ZBTB20: variants seen among roughly 807,000 people sequenced by gnomAD.
The protein encoded by ZBTB20 is zinc finger and BTB domain containing 20.
A neutral mutation model predicts 56.9 loss-of-function variants in ZBTB20; 9 were observed. That is an observed-to-expected ratio of 0.16 (90% CI 0.10 to 0.28). The LOEUF (loss-of-function observed/expected upper bound fraction) is 0.28. Among genes scored for constraint, ZBTB20 ranks in the 10% least tolerant of loss-of-function variants. The probability of loss-of-function intolerance (pLI) is 1.00; values close to 1 mark genes in which losing one functional copy is unlikely to be tolerated. For missense variants in ZBTB20, 655 were observed against 1,003.0 expected (o/e 0.65, Z 4.69); for synonymous variants, 417 against 420.7 (o/e 0.99, Z 0.11).
chr3:115,000,303 T>C (rs898755996), intron 2 of ZBTB20, among the ~76,000 whole-genome samples: 6 of 151,710 alleles, frequency 4.0e-5, no homozygotes, highest in African/African-American at 1.4e-4. Context: ...AAATATTGAC[T>C]AATTCATTTT....
chr3:114,477,407 G>T (rs2040911346), intron 7 of ZBTB20, among the ~76,000 whole-genome samples: 2 of 151,628 alleles, frequency 1.3e-5, no homozygotes, highest in Non-Finnish European at 2.9e-5. Flanking sequence ...TGCCCAAAAG[G>T]ACACAGGGTC....
At chr3:114,763,235 A>C (rs2108706285) in intron 5 of ZBTB20, among the ~76,000 whole-genome samples, 1 of 152,304 alleles carries the variant, frequency 6.6e-6, no homozygotes, top group African/African-American at 2.4e-5. Flanking sequence ...GAGTACTTTA[A>C]GGCATTGCTT....
intron 3 of ZBTB20, among the ~76,000 whole-genome samples, chr3:114,972,646 T>G (rs1207671931): frequency 1.3e-5 from 2 of 152,142 alleles, no homozygotes; most frequent in Non-Finnish European, 2.9e-5. Flanking sequence ...TAATGTAATC[T>G]CAGGAAAAAA....
Position 114,314,805 on chromosome 3 carries a change from T to C in ZBTB20, c.*24200A>G, listed in dbSNP as rs1405798274. 6.6e-6 allele frequency: 1 copy of C among 152,012 alleles called. No homozygotes were observed. Among genetic ancestry groups the C allele is most frequent in the Non-Finnish European group, 1.5e-5 (1 of 67,986 alleles). The allele number at this position is 152,012 out of a possible 1,614,324, so 9.4% of individuals were successfully genotyped here. A position where few individuals can be genotyped will look rare whatever the true frequency, so the allele number is the denominator to read the frequency against. On this transcript the variant is annotated 3_prime_UTR_variant, in exon 12 of 12. Transcript: ENST00000675478. ...CACAATAATAATAATAATATAATAG[T>C]ATAATGAAGCGCTACAGTTAATTTT...
chr3:114,716,929 G>A (rs1044265994), intron 5 of ZBTB20, among the ~76,000 whole-genome samples: 2 of 151,996 alleles, frequency 1.3e-5, no homozygotes, highest in African/African-American at 2.4e-5. Flanking sequence ...AAAAAAGTGG[G>A]GGGTATTCAT....
chr3:115,069,521 T>C (rs1001758743), intron 2 of ZBTB20, among the ~76,000 whole-genome samples: 5 of 152,054 alleles, frequency 3.3e-5, no homozygotes, highest in African/African-American at 1.2e-4. Flanking sequence ...ATGTCACACA[T>C]GTGATCTCAG....
At chr3:114,737,231 T>G (rs1186113643) in intron 5 of ZBTB20, among the ~76,000 whole-genome samples, 1 of 152,224 alleles carries the variant, frequency 6.6e-6, no homozygotes, top group Non-Finnish European at 1.5e-5. Flanking sequence ...TTGTTTGAAA[T>G]ATATTTAATG....
chr3:114,533,580 G>A (rs897094625), intron 6 of ZBTB20, among the ~76,000 whole-genome samples: 2 of 152,178 alleles, frequency 1.3e-5, no homozygotes, highest in Non-Finnish European at 2.9e-5. Flanking sequence ...TATTATCCAG[G>A]AGAGCTTCCC....
chr3:114,491,918 G>A (rs2042800516), intron 7 of ZBTB20, among the ~76,000 whole-genome samples: 1 of 152,044 alleles, frequency 6.6e-6, no homozygotes, highest in African/African-American at 2.4e-5. Flanking sequence ...CTTTTGCTGA[G>A]GTCAACAATA....
chr3:114,663,585 C>A (rs1369794260), intron 6 of ZBTB20, among the ~76,000 whole-genome samples: 1 of 151,560 alleles, frequency 6.6e-6, no homozygotes, highest in Non-Finnish European at 1.5e-5. Flanking sequence ...TTAAAAGACA[C>A]AGACTGGCAA....
At chr3:114,746,903 T>C (rs1195557288) in intron 5 of ZBTB20, among the ~76,000 whole-genome samples, 3 of 152,222 alleles carry the variant, frequency 2.0e-5, no homozygotes, top group Non-Finnish European at 4.4e-5. Flanking sequence ...CACCATCTCA[T>C]GCAAACGTTA....
intron 6 of ZBTB20, among the ~76,000 whole-genome samples, chr3:114,565,565 C>A (rs1395307370): frequency 6.6e-6 from 1 of 152,166 alleles, no homozygotes; most frequent in Non-Finnish European, 1.5e-5. Context: ...GTAGCTGGAA[C>A]AGGCATACGT....
intron 7 of ZBTB20, among the ~76,000 whole-genome samples, chr3:114,471,944 G>A (rs1306691608): frequency 6.6e-6 from 1 of 152,154 alleles, no homozygotes; most frequent in African/African-American, 2.4e-5. Flanking sequence ...ATGGGGAAAG[G>A]AAATGGATAA....
chr3:114,533,412 G>T (rs1559921969), intron 6 of ZBTB20, among the ~76,000 whole-genome samples: 1 of 151,922 alleles, frequency 6.6e-6, no homozygotes, highest in East Asian at 1.9e-4. Context: ...TCAACTTAAT[G>T]AAATAAAGCA....
intron 3 of ZBTB20, among the ~76,000 whole-genome samples, chr3:114,961,833 T>C (rs2077464392): frequency 6.6e-6 from 1 of 152,150 alleles, no homozygotes; most frequent in Non-Finnish European, 1.5e-5. Context: ...TAATTCTGTA[T>C]AAATATGTCT....
chr3:114,425,949 T>C (rs142140104), intron 7 of ZBTB20, among the ~76,000 whole-genome samples: 209 of 152,342 alleles, frequency 1.4e-3, no homozygotes, highest in African/African-American at 4.8e-3. Flanking sequence ...TTATCAAATT[T>C]AGAAATTTTC....
chr3:114,351,955 A>C, intron 10 of ZBTB20, 77 bp from the exon 11 acceptor site: 1 of 1,526,056 alleles, frequency 6.6e-7, no homozygotes. Context: ...CCTAGGTTTC[A>C]GGTGAGTAAT....
At chr3:114,828,679 A>G (rs1049585375) in intron 4 of ZBTB20, among the ~76,000 whole-genome samples, 2 of 151,880 alleles carry the variant, frequency 1.3e-5, no homozygotes, top group African/African-American at 4.8e-5. Flanking sequence ...GCTACTAGCC[A>G]TTATGCAGGG....
At chr3:115,087,395 C>A (rs1000277226) in intron 1 of ZBTB20, among the ~76,000 whole-genome samples, 1 of 151,814 alleles carries the variant, frequency 6.6e-6, no homozygotes, top group African/African-American at 2.4e-5. Flanking sequence ...AAAGGCTTCA[C>A]GTGGTGGACA....
Sources: allele counts gnomAD v4.1 joint callset (sites outside exome capture counted in the v4.1 genomes callset), GRCh38; gene constraint gnomAD v4.1.1; transcripts MANE v1.5; gene names NCBI Gene and HGNC (gene_info 2026-07-23, HGNC 2026-07-21).